Variants in ABCC8 observed in about 807,000 individuals in gnomAD.
ABCC8 encodes the protein ATP-binding cassette sub-family C member 8.
Under a neutral mutation model 188.0 loss-of-function variants are expected in ABCC8, and 137 were observed. The ratio of observed to expected loss-of-function variants is 0.73; its 90% CI spans 0.63 to 0.84. ABCC8 has a LOEUF of 0.84. Among genes scored for constraint, ABCC8 ranks in the 40% least tolerant of loss-of-function variants. The pLI, the probability that ABCC8 is intolerant of heterozygous loss-of-function variation, is 0.00. For synonymous variants in ABCC8, 797 were observed against 846.5 expected (o/e 0.94, Z 1.01); for missense variants, 1,750 against 2,072.7 (o/e 0.84, Z 3.02).
At position 17,443,049 on chromosome 11, in the gene ABCC8, G is replaced by C. The variant is rs1956383612; in HGVS notation, c.1467+129C>G. 3.3e-6 allele frequency: 5 copies of C among 1,494,498 alleles called. No individual in the cohort carries two copies. The South Asian group carries it at 5.8e-5, about 17-fold the overall frequency. 92.6% of individuals were successfully genotyped at this position (1,494,498 alleles called of 1,614,324 possible). A position where few individuals can be genotyped will look rare whatever the true frequency, so the allele number is the denominator to read the frequency against. ...TCCCAGACAAAGAAGCTGAGGCCTG[G>C]ACAGGTGAAGTGGCCTACTCAAAGT... On this transcript the variant is annotated intron_variant, in intron 9 of 38. Coordinates refer to ENST00000389817, the MANE Select transcript of ABCC8 (RefSeq NM_000352.6).
At chr11:17,461,185 G>A (rs1433102476) in intron 5 of ABCC8, 6 of 352,444 alleles carry the variant, frequency 1.7e-5, no homozygotes, top group East Asian at 7.3e-5. Flanking sequence ...TCAACTCATA[G>A]AGTTACCATA....
chr11:17,419,039 C>T (rs1955214582), intron 16 of ABCC8, among the ~76,000 whole-genome samples: 1 of 152,186 alleles, frequency 6.6e-6, no homozygotes, highest in Non-Finnish European at 1.5e-5. Context: ...TCAGAGTTTG[C>T]AAATGTGACA....
chr11:17,435,671 T>C, intron 10 of ABCC8: 1 of 1,404,664 alleles, frequency 7.1e-7, no homozygotes, highest in Non-Finnish European at 1.0e-6. Context: ...ACCTCTGTTC[T>C]TCACATGGCT....
intron 38 of ABCC8, 87 bp from the exon 39 acceptor site, chr11:17,393,215 T>A: frequency 6.4e-7 from 1 of 1,558,498 alleles, no homozygotes; most frequent in Non-Finnish European, 8.7e-7. Context: ...TCCTGCGGCT[T>A]GGAGGAGGAG....
Position 17,440,680 on chromosome 11 carries a change from A to G in ABCC8, c.1630+2040T>C, listed in dbSNP as rs546417359. 4.6e-5 allele frequency among the ~76,000 whole-genome samples: 7 copies of G among 152,358 alleles called. 1 individual carries two copies. The South Asian group carries it at 6.2e-4, about 14-fold the overall frequency. ...TAAAACGCCATGGCTTGCACCATGT[A>G]TGGCAGACGGCCCAGCCACTGATGA... On this transcript the variant is annotated intron_variant, in intron 10 of 38. Coordinates refer to ENST00000389817, the MANE Select transcript of ABCC8 (RefSeq NM_000352.6).
At chr11:17,473,775 C>T (rs897599204) in intron 2 of ABCC8, among the ~76,000 whole-genome samples, 7 of 152,220 alleles carry the variant, frequency 4.6e-5, no homozygotes, top group South Asian at 2.1e-4. Context: ...TAGATTCTCC[C>T]TGCCTCCAGC....
chr11:17,415,541 GGT>G, intron 17 of ABCC8: 1 of 753,840 alleles, frequency 1.3e-6, no homozygotes, highest in Non-Finnish European at 1.6e-6. Flanking sequence ...TGACCACGTG[GGT>G]GTGTGAGGAG....
chr11:17,432,408 C>T (rs1028764522), intron 10 of ABCC8, 164 bp from the exon 11 acceptor site: 1 of 1,427,294 alleles, frequency 7.0e-7, no homozygotes, highest in Non-Finnish European at 9.4e-7. Context: ...CTTCCAGTTC[C>T]TCACCCCATT....
At position 17,428,323 on chromosome 11, in the gene ABCC8, C is replaced by A. The variant is rs759612122; in HGVS notation, c.2006G>T (p.Ser669Ile). Residue 669 changes from serine (S) to isoleucine (I), a missense_variant, in exon 14 of 39, where the codon AGT becomes ATT. By Grantham distance (142) the Ser-to-Ile change is moderately radical. Transcript: ENST00000389817. ...LTGPLQSLVP[S>I]ADGDADNCCV... The stretch of plus-strand genomic sequence containing the variant: ...GCAGTTGTCAGCATCGCCATCTGCA[C>A]TGGGGACCAGGCTCTGCAGTGGGCC... 2 of 1,614,194 alleles carry A rather than the reference C, an allele frequency of 1.2e-6. No individual in the cohort carries two copies. Among genetic ancestry groups the A allele is most frequent in the Non-Finnish European group, 8.5e-7 (1 of 1,180,042 alleles).
chr11:17,395,613 A>G lies in ABCC8; in HGVS notation c.4304T>C (p.Ile1435Thr). Residue 1435 changes from isoleucine to threonine, a missense_variant, in exon 35 of 39, where the codon ATC becomes ACC. Coordinates refer to ENST00000389817, the MANE Select transcript of ABCC8 (RefSeq NM_000352.6). Reference protein sequence around the residue: ...LQDPVLFSGTIRFNLDPERKC... With the variant: ...LQDPVLFSGTTRFNLDPERKC... ...CCTGAGGGGTGGTGGGGCTCACCGGATGGTGCCGCTGAAGAGGACGGGGTC... is the reference window on the plus strand; with the variant it reads ...CCTGAGGGGTGGTGGGGCTCACCGGGTGGTGCCGCTGAAGAGGACGGGGTC... 1 of 1,551,166 alleles carries G rather than the reference A, an allele frequency of 6.4e-7. No individual in the cohort carries two copies.
intron 12 of ABCC8, 138 bp downstream of exon 12, chr11:17,430,676 A>C (rs913709958): frequency 8.5e-6 from 9 of 1,064,596 alleles, no homozygotes; most frequent in Non-Finnish European, 1.3e-5. Flanking sequence ...CTGACCAACC[A>C]GGACCAGCTA....
chr11:17,443,734 C>G (rs1257245491), intron 8 of ABCC8, among the ~76,000 whole-genome samples: 2 of 152,096 alleles, frequency 1.3e-5, no homozygotes, highest in East Asian at 3.8e-4. Flanking sequence ...GTTACTGCAC[C>G]CATGCCAGAA....
In ABCC8 at chr11:17,448,478, C is replaced by T. The variant is rs758166406; in HGVS notation, c.1332+38G>A. On this transcript the variant is annotated intron_variant, in intron 8 of 38. Transcript: ENST00000389817. ...GACCAGCAGATTCTGGTTGTGTGTC[C>T]TGCTGCCCCCCTCCCTTCCCCTCAG... The T allele has an allele frequency of 7.0e-5, 111 of 1,589,668 alleles. 1 individual carries two copies. In the Admixed American group the frequency reaches 1.4e-3, roughly 19 times the overall value.
At chr11:17,410,454 A>T in intron 22 of ABCC8, 62 bp downstream of exon 22, 1 of 1,574,950 alleles carries the variant, frequency 6.3e-7, no homozygotes, top group Non-Finnish European at 8.7e-7. Context: ...GGTTCCTGCC[A>T]AGATGCCTGA....
intron 3 of ABCC8, among the ~76,000 whole-genome samples, chr11:17,469,118 G>C (rs1848339400): frequency 7.4e-6 from 1 of 134,724 alleles, no homozygotes; most frequent in Non-Finnish European, 1.5e-5. Context: ...TCTAGATGGA[G>C]TCTTGCTCTG....
At position 17,427,252 on chromosome 11, in the gene ABCC8, C is replaced by A; in HGVS notation, c.2117-98G>T. The A allele has an allele frequency of 2.9e-6, 4 of 1,383,356 alleles. No individual in the cohort carries two copies. The highest frequency in any genetic ancestry group is 6.2e-5 in the Admixed American group (2 of 32,078). The allele number at this position is 1,383,356 out of a possible 1,614,324, so 85.7% of individuals were successfully genotyped here. A position where few individuals can be genotyped will look rare whatever the true frequency, so the allele number is the denominator to read the frequency against. Reference sequence around the variant, plus strand: ...CAGACAGATGCACCCAACCCTGGGGCCCCTGTTTTCTTTCTTCCTACCTAG... The same window carrying A: ...CAGACAGATGCACCCAACCCTGGGGACCCTGTTTTCTTTCTTCCTACCTAG... On this transcript the variant is annotated intron_variant, in intron 15 of 38. Coordinates refer to ENST00000389817, the MANE Select transcript of ABCC8 (RefSeq NM_000352.6). The surrounding 1 kb of genome is among the most constrained non-coding windows in gnomAD (Gnocchi z 5.0).
intron 21 of ABCC8, 86 bp from the exon 22 acceptor site, chr11:17,410,739 TC>T: frequency 6.3e-7 from 1 of 1,576,064 alleles, no homozygotes; most frequent in Non-Finnish European, 8.7e-7. Context: ...CCATTAGAGT[TC>T]TATCAACTCT....
In ABCC8 at chr11:17,395,837, C is replaced by A; in HGVS notation, c.4198+15G>T. 1.3e-6 allele frequency: 2 copies of A among 1,567,114 alleles called. No individual in the cohort carries two copies. The highest frequency in any genetic ancestry group is 4.7e-5 in the East Asian group (2 of 42,794). ...TGGCTGTGGGTACACGTGGGGTGCC[C>A]GCCTTACAACTCACCTTCGAACGTG... On this transcript the variant is annotated intron_variant, in intron 34 of 38. Transcript: ENST00000389817.
rs1356317869 is a variant in ABCC8, at chr11:17,427,067, C to G, written c.2204G>C (p.Gly735Ala). The change falls in exon 16 of 39, where the codon GGG (glycine) becomes GCG (alanine). Residue 735 changes from glycine (G) to alanine (A), a missense_variant. By Grantham distance (60) the Gly-to-Ala change is moderately conservative. Coordinates refer to ENST00000389817, the MANE Select transcript of ABCC8 (RefSeq NM_000352.6). The surrounding 1 kb of genome is among the most constrained non-coding windows in gnomAD (Gnocchi z 5.0). ...GTATTACCTGCTCCAGAAGACAGCC[C>G]CTGAGACCTTCTGCATCTCCCCCAG... ...AALGEMQKVSGAVFWSSLPDS... is the reference protein window; with the variant it reads ...AALGEMQKVSAAVFWSSLPDS... The G allele has an allele frequency of 6.2e-7, 1 of 1,613,990 alleles. No homozygotes were observed. The highest frequency in any genetic ancestry group is 1.1e-5 in the South Asian group (1 of 91,064).
Sources: gnomAD v4.1 joint callset for allele counts (sites outside exome capture counted in the v4.1 genomes callset) on GRCh38, gnomAD v4.1.1 for gene constraint, Gnocchi (gnomAD v3.1) non-coding constraint, MANE v1.5 for transcripts, NCBI Gene and HGNC (gene_info 2026-07-23, HGNC 2026-07-21) for gene names.